The following CNTN5 variants were observed in gnomAD, a reference collection of about 807,000 sequenced individuals.
CNTN5 encodes the protein contactin 5.
Under a neutral mutation model 129.1 loss-of-function variants are expected in CNTN5, and 77 were observed. The ratio of observed to expected loss-of-function variants is 0.60; its 90% confidence interval spans 0.50 to 0.72. CNTN5 has a LOEUF of 0.72. Ranked by LOEUF, CNTN5 falls within the 30% of genes least tolerant of loss-of-function variation. The probability of loss-of-function intolerance (pLI) is 0.00; values close to 1 mark genes in which losing one functional copy is unlikely to be tolerated. For missense variants in CNTN5, 1,478 were observed against 1,328.8 expected (o/e 1.11, Z -1.75); for synonymous variants, 509 against 465.6 (o/e 1.09, Z -1.20).
At chr11:100,078,679 G>A (rs1300165505) in intron 13 of CNTN5, among the ~76,000 whole-genome samples, 1 of 152,058 alleles carries the variant, frequency 6.6e-6, no homozygotes, top group Non-Finnish European at 1.5e-5. Flanking sequence ...AATTAAAAGA[G>A]TAAGCTGATT....
At chr11:100,338,822 G>A (rs867513495) in intron 21 of CNTN5, among the ~76,000 whole-genome samples, 1 of 152,158 alleles carries the variant, frequency 6.6e-6, no homozygotes, top group Admixed American at 6.6e-5. Context: ...AGCCCCAGAG[G>A]GAATGTTAAC....
intron 2 of CNTN5, among the ~76,000 whole-genome samples, chr11:99,371,813 A>C (rs541849592): frequency 9.2e-5 from 14 of 152,344 alleles, no homozygotes; most frequent in African/African-American, 2.9e-4. Flanking sequence ...AAAAATGTAT[A>C]AGGCATGAAG....
At chr11:100,311,242 TA>T (rs1951466508) in intron 21 of CNTN5, among the ~76,000 whole-genome samples, 3 of 151,076 alleles carry the variant, frequency 2.0e-5, no homozygotes, top group Non-Finnish European at 4.4e-5. Flanking sequence ...GACAATAAAT[TA>T]CATGTAGGCT....
intron 1 of CNTN5, among the ~76,000 whole-genome samples, chr11:99,155,329 C>T (rs1441292066): frequency 6.6e-6 from 1 of 152,166 alleles, no homozygotes; most frequent in African/African-American, 2.4e-5. Flanking sequence ...CTTTTAATTT[C>T]TTTGCTGCAC....
At chr11:100,091,543 C>T (rs1944786964) in intron 13 of CNTN5, among the ~76,000 whole-genome samples, 1 of 150,922 alleles carries the variant, frequency 6.6e-6, no homozygotes, top group African/African-American at 2.4e-5. Flanking sequence ...ATTCTCCTGC[C>T]TCAACCTCCT....
intron 8 of CNTN5, among the ~76,000 whole-genome samples, chr11:99,978,800 A>G (rs758207128): frequency 2.0e-5 from 3 of 152,166 alleles, no homozygotes; most frequent in Non-Finnish European, 4.4e-5. Context: ...TTAACATTGT[A>G]CTGAGACAGC....
chr11:99,449,734 G>A (rs766669621), intron 2 of CNTN5, among the ~76,000 whole-genome samples: 14 of 152,072 alleles, frequency 9.2e-5, no homozygotes, highest in Non-Finnish European at 1.5e-4. Flanking sequence ...TCTCAAGGTG[G>A]CCCCACCAGG....
chr11:99,369,216 TA>T (rs1939667577), intron 2 of CNTN5, among the ~76,000 whole-genome samples: 5 of 50,890 alleles, frequency 9.8e-5, no homozygotes, highest in African/African-American at 4.1e-4. Flanking sequence ...ATATTATATA[TA>T]ATATATATAT....
intron 2 of CNTN5, among the ~76,000 whole-genome samples, chr11:99,411,784 T>G (rs1942406204): frequency 6.6e-6 from 1 of 152,278 alleles, no homozygotes; most frequent in South Asian, 2.1e-4. Context: ...GTTTAAAAAT[T>G]TCTAAACTTA....
At chr11:100,065,238 C>A (rs556188750) in intron 10 of CNTN5, among the ~76,000 whole-genome samples, 1 of 152,014 alleles carries the variant, frequency 6.6e-6, no homozygotes, top group African/African-American at 2.4e-5. Flanking sequence ...AAATGTTAAT[C>A]GCTTCTATCG....
intron 13 of CNTN5, among the ~76,000 whole-genome samples, chr11:100,176,491 T>C (rs73560620): frequency 0.037 from 5,662 of 152,126 alleles, 357 homozygotes; most frequent in African/African-American, 0.13. Flanking sequence ...AATGGACAAG[T>C]GCTCTTGTCT....
intron 1 of CNTN5, among the ~76,000 whole-genome samples, chr11:99,098,509 A>C (rs1173674489): frequency 6.6e-6 from 1 of 152,090 alleles, no homozygotes; most frequent in Admixed American, 6.6e-5. Context: ...GGACAACTGC[A>C]TGAAAAGAGA....
intron 1 of CNTN5, among the ~76,000 whole-genome samples, chr11:99,107,722 G>A (rs1042485221): frequency 6.6e-6 from 1 of 151,884 alleles, no homozygotes; most frequent in Non-Finnish European, 1.5e-5. Flanking sequence ...ATGAGGTCAG[G>A]AGATTGAGAC....
chr11:100,235,092 A>G (rs1462168960), intron 16 of CNTN5, among the ~76,000 whole-genome samples: 2 of 152,254 alleles, frequency 1.3e-5, no homozygotes, highest in Admixed American at 1.3e-4. Context: ...AATGTTAAAA[A>G]AGATGGTCTT....
At chr11:100,346,086 T>C (rs1398271708) in intron 23 of CNTN5, among the ~76,000 whole-genome samples, 1 of 152,190 alleles carries the variant, frequency 6.6e-6, no homozygotes, top group African/African-American at 2.4e-5. Flanking sequence ...CTGCCTATTT[T>C]ATTAATACAT....
At chr11:99,535,788 T>C (rs1242121081) in intron 2 of CNTN5, among the ~76,000 whole-genome samples, 1 of 152,202 alleles carries the variant, frequency 6.6e-6, no homozygotes, top group African/African-American at 2.4e-5. Context: ...CTAGGTTATG[T>C]TCAGTTTTTT....
intron 13 of CNTN5, among the ~76,000 whole-genome samples, chr11:100,088,900 C>T (rs1011858696): frequency 6.6e-6 from 1 of 151,992 alleles, no homozygotes. Flanking sequence ...GCCAGCATCA[C>T]TCCAATATCA....
chr11:99,775,303 C>A (rs1378615912), intron 3 of CNTN5, among the ~76,000 whole-genome samples: 1 of 151,614 alleles, frequency 6.6e-6, no homozygotes, highest in Non-Finnish European at 1.5e-5. Flanking sequence ...TGTTCCTTAA[C>A]AATGAAAAAT....
chr11:99,784,798 T>TG (rs1380717166), intron 3 of CNTN5, among the ~76,000 whole-genome samples: 2 of 132,958 alleles, frequency 1.5e-5, no homozygotes, highest in Admixed American at 7.2e-5. Flanking sequence ...TCATTGTGTT[T>TG]TTTTTTTTTT....
Sources: allele counts gnomAD v4.1 joint callset (sites outside exome capture counted in the v4.1 genomes callset), GRCh38; gene constraint gnomAD v4.1.1; transcripts MANE v1.5; gene names NCBI Gene and HGNC (gene_info 2026-07-23, HGNC 2026-07-21).